DNAAF11: variants seen among roughly 807,000 people sequenced by gnomAD.
DNAAF11 encodes dynein axonemal assembly factor 11, also known as leucine rich repeat containing 6.
A neutral mutation model predicts 60.8 loss-of-function variants in DNAAF11; 45 were observed. That is an observed-to-expected ratio of 0.74 (90% CI 0.58 to 0.95). The LOEUF is 0.95. Among genes scored for constraint, DNAAF11 ranks in the 40% least tolerant of loss-of-function variants. The pLI is 0.00. For missense variants in DNAAF11, 546 were observed against 546.2 expected (o/e 1.00, Z 0.00); for synonymous variants, 191 against 183.5 (o/e 1.04, Z -0.33).
Position 132,631,870 on chromosome 8 carries a change from T to C in DNAAF11, c.653+870A>G, listed in dbSNP as rs140479281. Among the ~76,000 whole-genome samples, 1,348 of 151,654 alleles carry C rather than the reference T, an allele frequency of 8.9e-3. 22 individuals are homozygous for C. The highest frequency in any genetic ancestry group is 0.031 in the African/African-American group (1,261 of 41,310). On this transcript the variant is annotated intron_variant, in intron 5 of 11. Transcript: ENST00000620350. ...TCACACACCGGGGCCTGTTGTGGGGTTGGGGGAGTGGGGAGGGATAGCATT... is the reference window on the plus strand; with the variant it reads ...TCACACACCGGGGCCTGTTGTGGGGCTGGGGGAGTGGGGAGGGATAGCATT...
chr8:132,655,360 T>C (rs1225531891), intron 3 of DNAAF11, among the ~76,000 whole-genome samples: 1 of 152,026 alleles, frequency 6.6e-6, no homozygotes, highest in Non-Finnish European at 1.5e-5. Flanking sequence ...ACAAGCTCTC[T>C]GAAAAAAATC....
At chr8:132,691,826 G>A in the DNAAF11 span, among the ~76,000 whole-genome samples, 1 of 152,126 alleles carries the variant, frequency 6.6e-6, no homozygotes, top group Non-Finnish European at 1.5e-5. Context: ...TTTGGGTGGG[G>A]ACACAAGCCT....
At position 132,661,976 on chromosome 8, in the gene DNAAF11, G is replaced by A. The variant is rs577496715; in HGVS notation, c.11-349C>T. Among the ~76,000 whole-genome samples, 4 of 152,288 alleles carry A rather than the reference G, an allele frequency of 2.6e-5. No homozygotes were observed. The South Asian group carries it at 8.3e-4, about 32-fold the overall frequency. ...GGTGGTACCATGTTAAAATGGATGA[G>A]ATCCACTAACTAATCTGAGACAGAG... On this transcript the variant is annotated intron_variant, in intron 1 of 11. Transcript: ENST00000620350.
the DNAAF11 span, among the ~76,000 whole-genome samples, chr8:132,695,467 G>A: frequency 6.6e-6 from 1 of 152,182 alleles, no homozygotes; most frequent in Non-Finnish European, 1.5e-5. Context: ...GGAAGGCAGA[G>A]TAGGAACAGA....
upstream of DNAAF11, among the ~76,000 whole-genome samples, chr8:132,676,024 A>C (rs1387007099): frequency 9.9e-5 from 15 of 152,178 alleles, no homozygotes; most frequent in Admixed American, 9.8e-4. Flanking sequence ...CTTTAATTAG[A>C]TAATTTGAGT....
intron 11 of DNAAF11, among the ~76,000 whole-genome samples, chr8:132,580,685 TACAA>T (rs1815233635): frequency 6.6e-6 from 1 of 152,204 alleles, no homozygotes; most frequent in Admixed American, 6.5e-5. Context: ...ATGGAAAAGT[TACAA>T]ACAGATACCA....
rs375082831 is a variant in DNAAF11 at position 132,640,598 on chromosome 8, C to T, written c.257-2491G>A. On this transcript the variant is annotated intron_variant, in intron 3 of 11. Coordinates refer to ENST00000620350, the MANE Select transcript of DNAAF11 (RefSeq NM_012472.6). ...AATTTGATACATCTAAGGGTCAAGTCATAAATTTAAAAGTTAAATTACTCT... is the reference window on the plus strand; with the variant it reads ...AATTTGATACATCTAAGGGTCAAGTTATAAATTTAAAAGTTAAATTACTCT... Among the ~76,000 whole-genome samples, 208 of 152,184 alleles carry T rather than the reference C, an allele frequency of 1.4e-3. 3 individuals carry two copies. The highest frequency in any genetic ancestry group is 4.9e-3 in the African/African-American group (203 of 41,542).
chr8:132,597,037 C>T (rs1189588411), intron 10 of DNAAF11, among the ~76,000 whole-genome samples: 1 of 152,126 alleles, frequency 6.6e-6, no homozygotes, highest in Non-Finnish European at 1.5e-5. Context: ...GGGACAAAGC[C>T]CATTTTAAGT....
chr8:132,585,514 G>T (rs4540391), intron 10 of DNAAF11, among the ~76,000 whole-genome samples: 2 of 152,072 alleles, frequency 1.3e-5, no homozygotes, highest in Non-Finnish European at 2.9e-5. Flanking sequence ...ACAAGTGGAC[G>T]GCAAGACTTT....
At chr8:132,631,815 TG>T (rs769730043) in intron 5 of DNAAF11, among the ~76,000 whole-genome samples, 2 of 151,402 alleles carry the variant, frequency 1.3e-5, no homozygotes, top group Non-Finnish European at 2.9e-5. Flanking sequence ...AATTGAACAA[TG>T]AGAACACATG....
chr8:132,663,395 G>A (rs1824320098), intron 1 of DNAAF11, among the ~76,000 whole-genome samples: 1 of 152,226 alleles, frequency 6.6e-6, no homozygotes, highest in Non-Finnish European at 1.5e-5. Context: ...GGTACAGCCA[G>A]AGGATAGAGC....
the DNAAF11 span, among the ~76,000 whole-genome samples, chr8:132,698,952 A>G: frequency 1.9e-4 from 13 of 67,694 alleles, 1 homozygote; most frequent in African/African-American, 2.0e-3. Flanking sequence ...ATATATATAT[A>G]TATACACACA....
upstream of DNAAF11, among the ~76,000 whole-genome samples, chr8:132,677,474 A>G (rs1275917554): frequency 6.6e-6 from 1 of 152,128 alleles, no homozygotes; most frequent in Non-Finnish European, 1.5e-5. Context: ...GGATCAGGAG[A>G]CAAAGGGAGC....
intron 3 of DNAAF11, among the ~76,000 whole-genome samples, chr8:132,648,939 G>T (rs2130697825): frequency 6.6e-6 from 1 of 152,294 alleles, no homozygotes; most frequent in East Asian, 1.9e-4. Context: ...TACTGCCCAA[G>T]GCAATTTATA....
intron 11 of DNAAF11, 31 bp downstream of exon 11, chr8:132,583,663 T>C (rs751372635): frequency 6.5e-7 from 1 of 1,549,580 alleles, no homozygotes; most frequent in Middle Eastern, 1.7e-4. Flanking sequence ...AACAATATAA[T>C]ACAGCTAAGG....
At chr8:132,647,619 C>A (rs1310449446) in intron 3 of DNAAF11, among the ~76,000 whole-genome samples, 1 of 151,950 alleles carries the variant, frequency 6.6e-6, no homozygotes, top group East Asian at 1.9e-4. Flanking sequence ...CCACTAGCAA[C>A]ACTAATACAG....
the DNAAF11 span, among the ~76,000 whole-genome samples, chr8:132,700,088 T>C: frequency 6.6e-6 from 1 of 152,204 alleles, no homozygotes; most frequent in Non-Finnish European, 1.5e-5. Context: ...TTGTATACCT[T>C]GAAGTGGTAA....
chr8:132,673,636 C>T (rs1825402448), intron 1 of DNAAF11, among the ~76,000 whole-genome samples: 1 of 152,144 alleles, frequency 6.6e-6, no homozygotes. Context: ...CAATTAGCCA[C>T]CAAGAAGCCC....
intron 3 of DNAAF11, among the ~76,000 whole-genome samples, chr8:132,642,459 G>C (rs1319426423): frequency 2.0e-5 from 3 of 152,230 alleles, no homozygotes. Flanking sequence ...CTGACCAACA[G>C]ACTGTGGAAC....
Sources: gnomAD v4.1 joint callset for allele counts (sites outside exome capture counted in the v4.1 genomes callset) on GRCh38, gnomAD v4.1.1 for gene constraint, MANE v1.5 for transcripts, NCBI Gene and HGNC (gene_info 2026-07-23, HGNC 2026-07-21) for gene names.